EXOC2: variants seen among roughly 807,000 people sequenced by gnomAD.
EXOC2 encodes SEC5-like 1.
Under a neutral mutation model 131.8 loss-of-function variants are expected in EXOC2, and 70 were observed. The observed-to-expected ratio is 0.53, with a 90% CI of 0.44 to 0.65. EXOC2 has a LOEUF of 0.65. Ranked by LOEUF, EXOC2 falls within the 30% of genes least tolerant of loss-of-function variation. EXOC2 has a pLI of 0.00. For synonymous variants in EXOC2, 411 were observed against 398.4 expected, an observed-to-expected ratio of 1.03 and a Z score of -0.38; for missense variants, 923 against 1,108.6, an observed-to-expected ratio of 0.83 and a Z score of 2.38.
chr6:589,434 T>A (rs746329565), intron 11 of EXOC2, among the ~76,000 whole-genome samples: 4 of 151,898 alleles, frequency 2.6e-5, no homozygotes, highest in Non-Finnish European at 4.4e-5. Flanking sequence ...GAGAACTGAC[T>A]GTCGTTGTTT....
At chr6:535,513 G>T (rs1330005526) in intron 22 of EXOC2, among the ~76,000 whole-genome samples, 1 of 152,110 alleles carries the variant, frequency 6.6e-6, no homozygotes, top group East Asian at 1.9e-4. Context: ...AGATCCTGAA[G>T]ACATTAAAAG....
chr6:633,302 T>C (rs993005260), intron 2 of EXOC2, among the ~76,000 whole-genome samples, 185 bp from the exon 3 acceptor site: 1 of 152,224 alleles, frequency 6.6e-6, no homozygotes, highest in Non-Finnish European at 1.5e-5. Flanking sequence ...TTCTCCAATA[T>C]TTAAGACTTC....
Position 553,836 on chromosome 6 carries a change from AG to A in EXOC2, c.2121+17del. 2 of 1,604,042 alleles carry A rather than the reference AG, an allele frequency of 1.2e-6. No individual in the cohort carries two copies. The highest frequency in any genetic ancestry group is 1.7e-6 in the Non-Finnish European group (2 of 1,171,308). On this transcript the variant is annotated intron_variant, in intron 21 of 27. Transcript: ENST00000230449. ...ACAGTTTTAAAATGGTTTACTTTCT[AG>A]TTATCGTCTGACTTACTGAGGTCAA...
At chr6:632,095 T>C (rs1305260718) in intron 3 of EXOC2, among the ~76,000 whole-genome samples, 2 of 152,232 alleles carry the variant, frequency 1.3e-5, no homozygotes, top group Non-Finnish European at 2.9e-5. Context: ...AAGATGAATC[T>C]GACATTACTC....
At chr6:496,937 A>G (rs373337749) in intron 25 of EXOC2, among the ~76,000 whole-genome samples, 36 of 152,194 alleles carry the variant, frequency 2.4e-4, no homozygotes, top group African/African-American at 8.7e-4. Flanking sequence ...GCCAAAGTCA[A>G]CTGGTGTTTA....
chr6:660,298 G>GCATTTATTCCTTCTCTAAAATT (rs1763367150), intron 1 of EXOC2, among the ~76,000 whole-genome samples: 1 of 151,980 alleles, frequency 6.6e-6, no homozygotes, highest in Non-Finnish European at 1.5e-5. Context: ...TACAGCTGAT[G>GCATTTATTCCTTCTCTAAAATT]CTTTCTGGAA....
chr6:553,519 G>T (rs895432174), intron 21 of EXOC2, among the ~76,000 whole-genome samples: 6 of 152,082 alleles, frequency 3.9e-5, no homozygotes, highest in Admixed American at 1.3e-4. Context: ...GAGCCGTGAG[G>T]GGGTGGGCAT....
Position 600,594 on chromosome 6 carries a change from T to G in EXOC2, c.743-1369A>C, listed in dbSNP as rs1192454929. 2.0e-5 allele frequency among the ~76,000 whole-genome samples: 3 copies of G among 152,162 alleles called. No individual in the cohort carries two copies. In the East Asian group the frequency reaches 5.8e-4, roughly 29 times the overall value. On this transcript the variant is annotated intron_variant, in intron 7 of 27. Coordinates refer to ENST00000230449, the MANE Select transcript of EXOC2 (RefSeq NM_018303.6). ...TTTTACATTTTTTATTAGTTTTTAG[T>G]ATAATGAAATTTGGGGCAAAAAGTA...
intron 13 of EXOC2, among the ~76,000 whole-genome samples, chr6:568,649 T>C (rs1438484820): frequency 6.6e-6 from 1 of 152,212 alleles, no homozygotes; most frequent in Non-Finnish European, 1.5e-5. Context: ...CACATGCCAG[T>C]ATAAAACTGC....
rs1309683543 is a variant in EXOC2 at position 610,147 on chromosome 6, C to T, written c.693G>A (p.Thr231=). 16 of 1,613,680 alleles carry T rather than the reference C, an allele frequency of 9.9e-6. No homozygotes were observed. Among genetic ancestry groups the T allele is most frequent in the African/African-American group, 2.7e-5 (2 of 74,848 alleles). ...GCGTCATGGATCCTTCTACTTTTTCCGTTCCATCTGCTTCTAGTTTTTGAT... is the reference window on the plus strand; with the variant it reads ...GCGTCATGGATCCTTCTACTTTTTCTGTTCCATCTGCTTCTAGTTTTTGAT... ...AIHQKLEADG[T]EKVEGSMTQK... The change falls in exon 7 of 28, where the codon ACG becomes ACA. Residue 231 remains threonine, a synonymous_variant. Transcript: ENST00000230449.
intron 12 of EXOC2, among the ~76,000 whole-genome samples, chr6:576,291 T>G (rs1758573083): frequency 6.6e-6 from 1 of 152,220 alleles, no homozygotes; most frequent in African/African-American, 2.4e-5. Flanking sequence ...GCAACATACT[T>G]AAAATTTTAG....
chr6:615,684 C>T (rs1314484960), intron 6 of EXOC2, among the ~76,000 whole-genome samples: 1 of 147,334 alleles, frequency 6.8e-6, no homozygotes, highest in East Asian at 2.0e-4. Flanking sequence ...CGCACCACCG[C>T]ACTCCAGCCT....
chr6:563,548 C>G (rs1289109293), intron 16 of EXOC2, among the ~76,000 whole-genome samples: 2 of 152,050 alleles, frequency 1.3e-5, no homozygotes, highest in African/African-American at 4.8e-5. Flanking sequence ...TAAAGAAAAC[C>G]TTTATGGTTT....
chr6:561,171 T>C (rs933681371), intron 17 of EXOC2, among the ~76,000 whole-genome samples: 14 of 152,308 alleles, frequency 9.2e-5, no homozygotes, highest in African/African-American at 2.9e-4. Flanking sequence ...TACAATGATA[T>C]ATTAACTTAA....
rs149087614 is a variant in EXOC2 at position 487,802 on chromosome 6, A to ATTAT, written c.2682-1042_2682-1039dup. Among the ~76,000 whole-genome samples, 164 of 152,244 alleles carry ATTAT rather than the reference A, an allele frequency of 1.1e-3. 2 individuals are homozygous for ATTAT. The highest frequency in any genetic ancestry group is 3.6e-3 in the African/African-American group (151 of 41,530). On this transcript the variant is annotated intron_variant, in intron 27 of 27. Transcript: ENST00000230449. Reference sequence around the variant, plus strand: ...GGTTTAACAGTACTGAGGTCAAGAGATTATTTCACGGTTTAACAATGTTCA... The same window carrying ATTAT: ...GGTTTAACAGTACTGAGGTCAAGAGATTATTTATTTCACGGTTTAACAATGTTCA...
intron 20 of EXOC2, among the ~76,000 whole-genome samples, chr6:554,330 A>C (rs1477728889): frequency 1.3e-5 from 2 of 152,166 alleles, no homozygotes; most frequent in Non-Finnish European, 2.9e-5. Context: ...ATGAACCACC[A>C]TGTCCGGCCA....
At chr6:497,090 GAAAATA>G (rs1013736578) in intron 25 of EXOC2, among the ~76,000 whole-genome samples, 1 of 152,186 alleles carries the variant, frequency 6.6e-6, no homozygotes, top group Non-Finnish European at 1.5e-5. Flanking sequence ...AAGATAGTTG[GAAAATA>G]AAAATAAAAA....
intron 23 of EXOC2, among the ~76,000 whole-genome samples, chr6:503,486 G>A (rs1469837207): frequency 6.6e-6 from 1 of 152,120 alleles, no homozygotes. Flanking sequence ...TTACGCATTT[G>A]CCCTGATGAT....
intron 4 of EXOC2, among the ~76,000 whole-genome samples, chr6:625,440 CAT>C (rs1484960743): frequency 4.6e-5 from 7 of 151,192 alleles, no homozygotes; most frequent in Non-Finnish European, 7.4e-5. Context: ...GCATGCTACA[CAT>C]ATCTCTCGTA....
Sources: gnomAD v4.1 joint callset for allele counts (sites outside exome capture counted in the v4.1 genomes callset) on GRCh38, gnomAD v4.1.1 for gene constraint, MANE v1.5 for transcripts, NCBI Gene and HGNC (gene_info 2026-07-23, HGNC 2026-07-21) for gene names.